Variants in AKNAD1 observed in about 807,000 individuals in gnomAD.
AKNAD1 encodes the protein protein AKNAD1.
A neutral mutation model predicts 90.8 loss-of-function variants in AKNAD1; 67 were observed. The observed-to-expected ratio is 0.74, with a 90% CI of 0.61 to 0.90. The LOEUF is 0.90. AKNAD1 is among the 40% of genes least tolerant of loss of function. The pLI is 0.00. For missense variants in AKNAD1, 957 were observed against 975.4 expected, an observed-to-expected ratio of 0.98 and a Z score of 0.25; for synonymous variants, 327 against 341.4, an observed-to-expected ratio of 0.96 and a Z score of 0.46.
intron 15 of AKNAD1, 130 bp from the exon 16 acceptor site, chr1:108,816,432 C>T: frequency 9.7e-7 from 1 of 1,028,306 alleles, no homozygotes; most frequent in East Asian, 2.7e-5. Context: ...TGGTCTATTT[C>T]TGTTTTTGAG....
chr1:108,823,775 G>T (rs1663902090), intron 11 of AKNAD1, 87 bp from the exon 12 acceptor site: 2 of 1,587,292 alleles, frequency 1.3e-6, no homozygotes, highest in East Asian at 4.5e-5. Flanking sequence ...CTGTAACTGT[G>T]CAGGGTATGT....
chr1:108,817,497 A>ATTTTTTTTTT (rs10681740), intron 14 of AKNAD1: 12 of 60,340 alleles, frequency 2.0e-4, no homozygotes, highest in East Asian at 5.5e-4. Context: ...TTTTTTTTTA[A>ATTTTTTTTTT]TTTTTTTTTT....
chr1:108,823,109 C>A, intron 13 of AKNAD1: 1 of 672,658 alleles, frequency 1.5e-6, no homozygotes, highest in South Asian at 1.7e-5. Flanking sequence ...GGGTTGCTAC[C>A]AACTTGCACT....
intron 5 of AKNAD1, among the ~76,000 whole-genome samples, chr1:108,847,070 C>G (rs574790362): frequency 1.3e-5 from 2 of 152,120 alleles, no homozygotes; most frequent in Non-Finnish European, 2.9e-5. Context: ...GCCCTCCTGA[C>G]TTGTTACCTG....
At chr1:108,837,320 G>T in intron 7 of AKNAD1, 1 of 446,828 alleles carries the variant, frequency 2.2e-6, no homozygotes, top group Non-Finnish European at 3.9e-6. Context: ...GATTTAAACA[G>T]CATTGTTACA....
chr1:108,855,872 G>C (rs1027554016), intron 1 of AKNAD1, among the ~76,000 whole-genome samples: 1 of 144,984 alleles, frequency 6.9e-6, no homozygotes, highest in Non-Finnish European at 1.5e-5. Context: ...AAAAAAAACA[G>C]AGTATCTTTT....
At chr1:108,844,676 AT>A (rs1458389551) in intron 5 of AKNAD1, among the ~76,000 whole-genome samples, 11 of 152,136 alleles carry the variant, frequency 7.2e-5, no homozygotes, top group African/African-American at 2.4e-4. Flanking sequence ...TCATTGTATG[AT>A]TTTAGTAAAC....
intron 13 of AKNAD1, among the ~76,000 whole-genome samples, chr1:108,821,787 A>G (rs1663819188): frequency 6.6e-6 from 1 of 152,194 alleles, no homozygotes; most frequent in African/African-American, 2.4e-5. Flanking sequence ...AAGACGAGTC[A>G]GTGGCCAAGA....
At position 108,837,559 on chromosome 1, in the gene AKNAD1, G is replaced by C; in HGVS notation, c.1527C>G (p.Leu509=). 1 of 1,614,112 alleles carries C rather than the reference G, an allele frequency of 6.2e-7. No individual in the cohort carries two copies. The highest frequency in any genetic ancestry group is 8.5e-7 in the Non-Finnish European group (1 of 1,179,986). ...TACATTGCTGTATTACCTCATTTGAGAGTGAAGAGAAGGTGGAGGCCAAGT... is the reference window on the plus strand; with the variant it reads ...TACATTGCTGTATTACCTCATTTGACAGTGAAGAGAAGGTGGAGGCCAAGT... The part of the protein sequence containing the change: ...LDDLASTFSS[L]SNEIPKEHPG... The change falls in exon 7 of 16, where the codon CTC becomes CTG. Residue 509 remains leucine, a synonymous_variant. Transcript: ENST00000370001.
rs754693536 is a variant in AKNAD1, at chr1:108,851,800, A to T, written c.865T>A (p.Ser289Thr). ...PLAIAKQASFSSKSRDKPTLV... is the reference protein window; with the variant it reads ...PLAIAKQASFTSKSRDKPTLV... The stretch of plus-strand genomic sequence containing the variant: ...GTGGGTTTATCTCTCGACTTGGAAG[A>T]AAAGCTGGCTTGTTTAGCTATTGCA... Residue 289 changes from serine to threonine, a missense_variant, in exon 2 of 16, where the codon TCT becomes ACT. Coordinates refer to ENST00000370001, the MANE Select transcript of AKNAD1 (RefSeq NM_152763.5). The T allele has an allele frequency of 6.2e-7, 1 of 1,614,206 alleles. No homozygotes were observed. The highest frequency in any genetic ancestry group is 2.2e-5 in the East Asian group (1 of 44,890).
At chr1:108,857,121 A>C (rs1665073298), upstream of AKNAD1, 1 of 152,254 alleles carries the variant, frequency 6.6e-6, no homozygotes, top group Non-Finnish European at 1.5e-5. Context: ...ACGCCTGCTT[A>C]TGCAGCTATC....
At chr1:108,841,304 G>A (rs1386733476) in intron 6 of AKNAD1, among the ~76,000 whole-genome samples, 2 of 152,138 alleles carry the variant, frequency 1.3e-5, no homozygotes, top group Admixed American at 1.3e-4. Context: ...GACTAAGGAA[G>A]GGAGAGGAGG....
At chr1:108,843,107 A>G in intron 6 of AKNAD1, 27 bp downstream of exon 6, 2 of 1,612,548 alleles carry the variant, frequency 1.2e-6, no homozygotes, top group Non-Finnish European at 1.7e-6. Context: ...TGACCCTTCC[A>G]CCTTACACAG....
In AKNAD1 at chr1:108,827,255, C is replaced by A. The variant is rs767815626; in HGVS notation, c.1886G>T (p.Arg629Ile). The A allele has an allele frequency of 1.2e-6, 2 of 1,611,884 alleles. No individual in the cohort carries two copies. The highest frequency in any genetic ancestry group is 1.7e-6 in the Non-Finnish European group (2 of 1,179,496). The change falls in exon 11 of 16, where the codon AGA becomes ATA. Residue 629 changes from arginine to isoleucine, a missense_variant. Physicochemically the swap from Arg to Ile is moderately conservative, Grantham distance 97. Transcript: ENST00000370001. ...KKGHGRINCG[R>I]FSIVLHEKAP... ...CTTTTCATGAAGGACAATTGAAAAT[C>A]TTCCACAGTTGATCCTTCCGTGGCC...
chr1:108,851,625 A>G (rs370730156), intron 2 of AKNAD1, 47 bp downstream of exon 2: 60 of 1,497,350 alleles, frequency 4.0e-5, no homozygotes, highest in Non-Finnish European at 5.3e-5. Flanking sequence ...TGAAAGAGAT[A>G]AGCAGTGGTC....
intron 9 of AKNAD1, among the ~76,000 whole-genome samples, chr1:108,830,996 C>CAAATTAGTAA (rs1664180616): frequency 1.3e-5 from 2 of 152,182 alleles, no homozygotes; most frequent in Non-Finnish European, 2.9e-5. Flanking sequence ...TTTTATCTTT[C>CAAATTAGTAA]CCTTAGTTTC....
At chr1:108,839,844 G>A (rs1664487183) in intron 6 of AKNAD1, among the ~76,000 whole-genome samples, 1 of 152,072 alleles carries the variant, frequency 6.6e-6, no homozygotes, top group Non-Finnish European at 1.5e-5. Context: ...AACATAGGGA[G>A]ACCATGTCTC....
chr1:108,847,441 G>A lies in AKNAD1; in HGVS notation c.1245+1311C>T, dbSNP rs1288538702. On this transcript the variant is annotated intron_variant, in intron 5 of 15. Transcript: ENST00000370001. ...CTAGCATGAGTGACAGAATGAGACCGTGTCTCAAAAAAAAAAAAACAAAAA... is the reference window on the plus strand; with the variant it reads ...CTAGCATGAGTGACAGAATGAGACCATGTCTCAAAAAAAAAAAAACAAAAA... 4.8e-5 allele frequency among the ~76,000 whole-genome samples: 7 copies of A among 146,780 alleles called. No homozygotes were observed. In the South Asian group the frequency reaches 8.7e-4, roughly 18 times the overall value.
At chr1:108,848,848 G>T (rs769178430) in intron 4 of AKNAD1, 34 bp from the exon 5 acceptor site, 5 of 1,604,976 alleles carry the variant, frequency 3.1e-6, no homozygotes, top group African/African-American at 2.7e-5. Flanking sequence ...CTCATTAATG[G>T]CATGGTTTCT....
Sources: gnomAD v4.1 joint callset for allele counts (sites outside exome capture counted in the v4.1 genomes callset) on GRCh38, gnomAD v4.1.1 for gene constraint, MANE v1.5 for transcripts, NCBI Gene and HGNC (gene_info 2026-07-23, HGNC 2026-07-21) for gene names.